Variants in ATXN7L1 observed in about 807,000 individuals in gnomAD.
ATXN7L1 encodes the protein ataxin-7-like protein 1.
A neutral mutation model predicts 70.8 loss-of-function variants in ATXN7L1; 15 were observed. That is an observed-to-expected ratio of 0.21 (90% CI 0.14 to 0.33). The LOEUF (loss-of-function observed/expected upper bound fraction) is 0.33. ATXN7L1 is among the 10% of genes least tolerant of loss of function. The pLI, the probability that ATXN7L1 is intolerant of heterozygous loss-of-function variation, is 1.00. For synonymous variants in ATXN7L1, 440 were observed against 445.1 expected, an observed-to-expected ratio of 0.99 and a Z score of 0.14; for missense variants, 975 against 1,097.1, an observed-to-expected ratio of 0.89 and a Z score of 1.57.
At chr7:105,735,639 C>A (rs981863540) in intron 3 of ATXN7L1, among the ~76,000 whole-genome samples, 2 of 152,140 alleles carry the variant, frequency 1.3e-5, no homozygotes, top group Non-Finnish European at 2.9e-5. Flanking sequence ...CCCGTTAATC[C>A]TGTTTAATCT....
rs761986398 is a variant in ATXN7L1 at position 105,614,956 on chromosome 7, T to C, written c.1518-140A>G. On this transcript the variant is annotated intron_variant, in intron 9 of 11. Transcript: ENST00000419735. This position sits in a 1 kb window ranked among gnomAD's most constrained non-coding sequence, Gnocchi z 4.3. ...CTATGGAGAATGGAGCCTTGAAGGA[T>C]GGGAGAATCTGAAGCATGGCCCCTC... 10 of 1,038,310 alleles carry C rather than the reference T, an allele frequency of 9.6e-6. No homozygotes were observed. Among genetic ancestry groups the C allele is most frequent in the Non-Finnish European group, 1.2e-5 (9 of 741,052 alleles). 64.3% of individuals were successfully genotyped at this position (1,038,310 alleles called of 1,614,324 possible). A position where few individuals can be genotyped will look rare whatever the true frequency, so the allele number is the denominator to read the frequency against.
chr7:105,790,047 A>G (rs1804907388), intron 2 of ATXN7L1, among the ~76,000 whole-genome samples: 1 of 152,234 alleles, frequency 6.6e-6, no homozygotes, highest in Admixed American at 6.5e-5. Context: ...AGAGAGGCAG[A>G]CACAAAAGGT....
intron 3 of ATXN7L1, among the ~76,000 whole-genome samples, chr7:105,756,170 C>T (rs1693077045): frequency 1.3e-5 from 2 of 152,202 alleles, no homozygotes; most frequent in South Asian, 4.1e-4. Flanking sequence ...GTCCAATCTG[C>T]AGTTTCTCAC....
rs1297453934 is a variant in ATXN7L1, at chr7:105,733,648, A to T, written c.355+54956T>A. Among the ~76,000 whole-genome samples the T allele has an allele frequency of 4.4e-4, 62 of 140,870 alleles. 2 individuals carry two copies. The highest frequency in any genetic ancestry group is 2.3e-3 in the East Asian group (10 of 4,418). The allele number at this position is 140,870 out of a possible 152,430, so 92.4% of individuals were successfully genotyped here. A position where few individuals can be genotyped will look rare whatever the true frequency, so the allele number is the denominator to read the frequency against. ...CATCCATCCACCCATCCATCCATCC[A>T]TCCATCCATCCATCCATCCATCCAT... is the stretch of plus-strand genomic sequence containing the variant. On this transcript the variant is annotated intron_variant, in intron 3 of 11. Coordinates refer to ENST00000419735, the MANE Select transcript of ATXN7L1 (RefSeq NM_020725.2).
chr7:105,655,284 C>A (rs920660915), intron 4 of ATXN7L1, among the ~76,000 whole-genome samples: 1 of 152,220 alleles, frequency 6.6e-6, no homozygotes, highest in Non-Finnish European at 1.5e-5. Flanking sequence ...CCGCAGCCCC[C>A]ACATGCTTCA....
At chr7:105,721,072 C>T (rs1396635933) in intron 3 of ATXN7L1, among the ~76,000 whole-genome samples, 1 of 152,188 alleles carries the variant, frequency 6.6e-6, no homozygotes, top group Admixed American at 6.5e-5. Context: ...TGAGCAGCAA[C>T]AACCACGACC....
intron 7 of ATXN7L1, among the ~76,000 whole-genome samples, chr7:105,637,525 T>G (rs1235874500): frequency 6.6e-6 from 1 of 152,208 alleles, no homozygotes; most frequent in Non-Finnish European, 1.5e-5. Context: ...CTAGCTTCAT[T>G]AATCTCTGTA....
At chr7:105,789,626 G>T (rs1288701350) in intron 2 of ATXN7L1, among the ~76,000 whole-genome samples, 7 of 152,170 alleles carry the variant, frequency 4.6e-5, no homozygotes, top group Non-Finnish European at 7.3e-5. Flanking sequence ...GAGGCTCTGT[G>T]CATGGAGGGA....
At chr7:105,700,074 C>A (rs901507208) in intron 3 of ATXN7L1, among the ~76,000 whole-genome samples, 2 of 152,160 alleles carry the variant, frequency 1.3e-5, no homozygotes, top group African/African-American at 4.8e-5. Flanking sequence ...GGCTGGGTTC[C>A]CATGCAGCTT....
In ATXN7L1 at chr7:105,635,328, A is replaced by G. The variant is rs567347437; in HGVS notation, c.1202+3025T>C. Among the ~76,000 whole-genome samples the G allele has an allele frequency of 1.4e-4, 22 of 152,280 alleles. No homozygotes were observed. The South Asian group carries it at 3.9e-3, about 27-fold the overall frequency. Reference sequence around the variant, plus strand: ...TGGAGGCGAATAAACTGAACATATGAGTGTGTTATTCCAGGCCCCTCGGGC... The same window carrying G: ...TGGAGGCGAATAAACTGAACATATGGGTGTGTTATTCCAGGCCCCTCGGGC... On this transcript the variant is annotated intron_variant, in intron 7 of 11. Coordinates refer to ENST00000419735, the MANE Select transcript of ATXN7L1 (RefSeq NM_020725.2).
chr7:105,678,068 T>A, intron 3 of ATXN7L1: 1 of 905,072 alleles, frequency 1.1e-6, no homozygotes, highest in Non-Finnish European at 1.3e-6. Flanking sequence ...TTATGCCCTG[T>A]CAACATATGC....
intron 2 of ATXN7L1, among the ~76,000 whole-genome samples, chr7:105,861,194 C>T (rs1418631864): frequency 6.6e-6 from 1 of 152,054 alleles, no homozygotes; most frequent in East Asian, 1.9e-4. Flanking sequence ...AAAGGGCAGG[C>T]CACCTGTCCG....
chr7:105,758,942 AGCCATCCCT>A (rs1800153732), intron 3 of ATXN7L1, among the ~76,000 whole-genome samples: 1 of 152,092 alleles, frequency 6.6e-6, no homozygotes, highest in African/African-American at 2.4e-5. Flanking sequence ...TTACATCTTG[AGCCATCCCT>A]GCGGAAGGGG....
chr7:105,702,196 ACAGAAAACTGACTAGGGAGGGAGGGCGAG>A (rs1792541713), intron 3 of ATXN7L1, among the ~76,000 whole-genome samples: 1 of 152,150 alleles, frequency 6.6e-6, no homozygotes, highest in Non-Finnish European at 1.5e-5. Context: ...CTGGTATCTC[ACAGAAAACTGACTAGGGAGGGAGGGCGAG>A]CAGAAGCATC....
rs561715681 is a variant in ATXN7L1, at chr7:105,807,686, GC to G, written c.251-18979del. The stretch of plus-strand genomic sequence containing the variant: ...TCTCCTTGGAACCCTCATGTGGAAA[GC>G]CCGGGCTGGGCTGCAGTAGCATGGA... On this transcript the variant is annotated intron_variant, in intron 2 of 11. Coordinates refer to ENST00000419735, the MANE Select transcript of ATXN7L1 (RefSeq NM_020725.2). Among the ~76,000 whole-genome samples, 21 of 152,328 alleles carry G rather than the reference GC, an allele frequency of 1.4e-4. No individual in the cohort carries two copies. In the East Asian group the frequency reaches 3.7e-3, roughly 27 times the overall value.
rs532345842 is a variant in ATXN7L1 at position 105,746,185 on chromosome 7, CG to C, written c.355+42418del. Among the ~76,000 whole-genome samples, 21 of 152,310 alleles carry C rather than the reference CG, an allele frequency of 1.4e-4. No homozygotes were observed. The South Asian group carries it at 3.9e-3, about 29-fold the overall frequency. The stretch of plus-strand genomic sequence containing the variant: ...GCTGATACAGGCCACCAGGACTGCT[CG>C]GCTGGACTTTTACAAGCACCTTGTG... On this transcript the variant is annotated intron_variant, in intron 3 of 11. Coordinates refer to ENST00000419735, the MANE Select transcript of ATXN7L1 (RefSeq NM_020725.2).
At chr7:105,721,474 G>T (rs183524417) in intron 3 of ATXN7L1, among the ~76,000 whole-genome samples, 6 of 152,180 alleles carry the variant, frequency 3.9e-5, no homozygotes, top group Non-Finnish European at 5.9e-5. Context: ...AATGCTCTGC[G>T]CAGGCCAGCT....
intron 2 of ATXN7L1, among the ~76,000 whole-genome samples, chr7:105,832,194 T>G (rs574494713): frequency 6.6e-6 from 1 of 152,158 alleles, no homozygotes; most frequent in Non-Finnish European, 1.5e-5. Flanking sequence ...ACCCAGTTAC[T>G]TGACATTATA....
At chr7:105,819,994 C>G (rs919179341) in intron 2 of ATXN7L1, 6 of 464,874 alleles carry the variant, frequency 1.3e-5, no homozygotes, top group African/African-American at 6.0e-5. Context: ...GATCCACTAT[C>G]GGAAGAAGAA....
Sources: allele counts gnomAD v4.1 joint callset (sites outside exome capture counted in the v4.1 genomes callset), GRCh38; gene constraint gnomAD v4.1.1; non-coding constraint Gnocchi (gnomAD v3.1); transcripts MANE v1.5; gene names NCBI Gene and HGNC (gene_info 2026-07-23, HGNC 2026-07-21).